Variants in FARP2 observed in about 807,000 individuals in gnomAD.
FARP2 encodes FERM, ARHGEF and pleckstrin domain-containing protein 2.
A neutral mutation model predicts 130.5 loss-of-function variants in FARP2; 111 were observed. The ratio of observed to expected loss-of-function variants is 0.85; its 90% CI spans 0.73 to 1.00. The LOEUF (loss-of-function observed/expected upper bound fraction) is 1.00. Ranked by LOEUF, FARP2 falls within the 50% of genes least tolerant of loss-of-function variation. FARP2 has a pLI of 0.00. For missense variants in FARP2, 1,385 were observed against 1,346.3 expected (o/e 1.03, Z -0.45); for synonymous variants, 504 against 516.9 (o/e 0.98, Z 0.34).
At chr2:241,385,361 C>G (rs898575168) in intron 2 of FARP2, among the ~76,000 whole-genome samples, 2 of 151,732 alleles carry the variant, frequency 1.3e-5, no homozygotes, top group Non-Finnish European at 2.9e-5. Flanking sequence ...TGTTTTCTAC[C>G]TTAGAAAATT....
intron 2 of FARP2, among the ~76,000 whole-genome samples, 188 bp downstream of exon 2, chr2:241,373,478 T>C (rs1009034965): frequency 1.1e-4 from 17 of 152,214 alleles, no homozygotes; most frequent in African/African-American, 4.1e-4. Flanking sequence ...TGGTATTGTA[T>C]CTTTTGTTTA....
chr2:241,377,928 C>T (rs2061575417), intron 2 of FARP2, among the ~76,000 whole-genome samples: 2 of 152,184 alleles, frequency 1.3e-5, no homozygotes, highest in South Asian at 4.1e-4. Flanking sequence ...AAGGAACTGC[C>T]AGACTGTTTT....
At chr2:241,392,796 A>G (rs2150330663) in intron 2 of FARP2, among the ~76,000 whole-genome samples, 1 of 151,774 alleles carries the variant, frequency 6.6e-6, no homozygotes, top group African/African-American at 2.4e-5. Flanking sequence ...AAAACCTATT[A>G]TCTGGGTGTG....
intron 14 of FARP2, among the ~76,000 whole-genome samples, chr2:241,458,938 G>A (rs1322089163): frequency 6.6e-6 from 1 of 152,238 alleles, no homozygotes; most frequent in Non-Finnish European, 1.5e-5. Context: ...CCCTTGAGGA[G>A]TTGGTGGCTG....
At chr2:241,468,001 C>G (rs967282902) in intron 17 of FARP2, 139 bp from the exon 18 acceptor site, 1 of 713,050 alleles carries the variant, frequency 1.4e-6, no homozygotes, top group South Asian at 1.6e-5. Flanking sequence ...AGAAAGCCCC[C>G]GCTGGCGCAC....
intron 8 of FARP2, among the ~76,000 whole-genome samples, chr2:241,425,634 T>TAAAA (rs1167925220): frequency 1.1e-4 from 5 of 45,948 alleles, no homozygotes; most frequent in African/African-American, 1.8e-4. Context: ...TCCTACCAAG[T>TAAAA]AAAAAAAAAA....
chr2:241,492,276 G>A (rs376338410), intron 24 of FARP2, among the ~76,000 whole-genome samples: 17 of 152,302 alleles, frequency 1.1e-4, no homozygotes, highest in East Asian at 1.9e-4. Context: ...GGCTGAGCCC[G>A]AGCCTCTCCC....
chr2:241,469,108 C>T (rs1201461987), intron 18 of FARP2, among the ~76,000 whole-genome samples: 3 of 149,360 alleles, frequency 2.0e-5, no homozygotes, highest in Non-Finnish European at 3.0e-5. Context: ...TTTTTTGAGA[C>T]GGAGTTTCAT....
intron 2 of FARP2, among the ~76,000 whole-genome samples, chr2:241,394,550 C>T (rs1044470703): frequency 5.3e-5 from 8 of 150,032 alleles, no homozygotes; most frequent in Non-Finnish European, 1.0e-4. Context: ...GTGACTGATA[C>T]AAGTGACACT....
At chr2:241,374,817 T>C (rs150070800) in intron 2 of FARP2, among the ~76,000 whole-genome samples, 3 of 152,340 alleles carry the variant, frequency 2.0e-5, no homozygotes, top group African/African-American at 7.2e-5. Context: ...TCACTTCTGT[T>C]GCAGAGAAGG....
At chr2:241,408,269 G>A (rs909162754) in intron 5 of FARP2, among the ~76,000 whole-genome samples, 9 of 152,200 alleles carry the variant, frequency 5.9e-5, no homozygotes, top group Admixed American at 2.0e-4. Flanking sequence ...CTACTCAGGA[G>A]GCTGAGGCAG....
At chr2:241,371,154 A>G (rs2061416082) in intron 1 of FARP2, among the ~76,000 whole-genome samples, 1 of 152,232 alleles carries the variant, frequency 6.6e-6, no homozygotes. Flanking sequence ...AATGCCTGGC[A>G]GTAAGTCACT....
chr2:241,425,955 G>A (rs2062929587), intron 8 of FARP2, among the ~76,000 whole-genome samples: 1 of 151,406 alleles, frequency 6.6e-6, no homozygotes, highest in African/African-American at 2.4e-5. Flanking sequence ...GTGTGTGTGG[G>A]GCTCTAGACT....
intron 8 of FARP2, among the ~76,000 whole-genome samples, chr2:241,418,599 G>A (rs1559751828): frequency 6.6e-6 from 1 of 152,046 alleles, no homozygotes; most frequent in Non-Finnish European, 1.5e-5. Flanking sequence ...AATATCAGAG[G>A]GATTGCTTGT....
Position 241,459,426 on chromosome 2 carries a change from C to T in FARP2, c.1587+2504C>T, listed in dbSNP as rs552721949. Among the ~76,000 whole-genome samples the T allele has an allele frequency of 1.4e-4, 21 of 152,322 alleles. No homozygotes were observed. Among genetic ancestry groups the T allele is most frequent in the African/African-American group, 4.8e-4 (20 of 41,590 alleles). On this transcript the variant is annotated intron_variant, in intron 14 of 26. Coordinates refer to ENST00000264042, the MANE Select transcript of FARP2 (RefSeq NM_014808.4). This position sits in a 1 kb window ranked among gnomAD's most constrained non-coding sequence, Gnocchi z 5.3. ...ACTTGCACCCAGTTGCTGGGCTGTG[C>T]GGGGAGGGGCAAAGAGCTGCCCACC...
chr2:241,448,116 C>G (rs1220360096), intron 13 of FARP2, among the ~76,000 whole-genome samples: 1 of 152,192 alleles, frequency 6.6e-6, no homozygotes, highest in East Asian at 1.9e-4. Flanking sequence ...CATGGGTCTC[C>G]TCAGAGCCCA....
intron 2 of FARP2, among the ~76,000 whole-genome samples, chr2:241,400,957 G>T (rs903849439): frequency 6.6e-6 from 1 of 152,176 alleles, no homozygotes; most frequent in Non-Finnish European, 1.5e-5. Context: ...TGGAGCGCTG[G>T]CATGCCTCCT....
intron 20 of FARP2, chr2:241,483,977 C>T: frequency 1.5e-6 from 2 of 1,316,068 alleles, no homozygotes; most frequent in Non-Finnish European, 1.9e-6. Flanking sequence ...ACTGAGTCAG[C>T]ACCAGCCAGA....
intron 2 of FARP2, among the ~76,000 whole-genome samples, chr2:241,397,262 C>T (rs1270676347): frequency 2.6e-5 from 4 of 152,054 alleles, no homozygotes; most frequent in African/African-American, 9.7e-5. Context: ...TGCTGCACAC[C>T]AGCATGGCAC....
Sources: allele counts gnomAD v4.1 joint callset (sites outside exome capture counted in the v4.1 genomes callset), GRCh38; gene constraint gnomAD v4.1.1; non-coding constraint Gnocchi (gnomAD v3.1); transcripts MANE v1.5; gene names NCBI Gene and HGNC (gene_info 2026-07-23, HGNC 2026-07-21).